The following AFF2 variants were observed in gnomAD, a reference collection of about 807,000 sequenced individuals.
AFF2 encodes the protein ALF transcription elongation factor 2.
AFF2 carries 14 observed loss-of-function variants against 76.9 expected under a neutral mutation model. That is an observed-to-expected ratio of 0.18 (90% CI 0.12 to 0.28). The LOEUF (loss-of-function observed/expected upper bound fraction) is 0.28, where lower values mean the gene tolerates loss of function less well. AFF2 is among the 10% of genes least tolerant of loss of function. AFF2 has a pLI of 1.00. For missense variants in AFF2, 868 were observed against 1,001.1 expected, an observed-to-expected ratio of 0.87 and a Z score of 1.79; for synonymous variants, 398 against 366.7, an observed-to-expected ratio of 1.09 and a Z score of -0.98.
At chrX:148,778,649 A>G (rs1162813380) in intron 3 of AFF2, among the ~76,000 whole-genome samples, 1 of 111,408 alleles carries the variant, frequency 9.0e-6, no homozygotes, top group Non-Finnish European at 1.9e-5. Context: ...AGGGTTTTAT[A>G]GTATTCTCTG....
chrX:148,825,029 AGAGT>A (rs1310268649), intron 4 of AFF2, among the ~76,000 whole-genome samples: 3 of 111,359 alleles, frequency 2.7e-5, no homozygotes, highest in African/African-American at 6.5e-5. Context: ...GGTGACAGAC[AGAGT>A]GAGACCTCAT....
In AFF2 at chrX:148,512,760, T is replaced by C. The variant is rs1291977858; in HGVS notation, c.47+11616T>C. On this transcript the variant is annotated intron_variant, in intron 1 of 20. Transcript: ENST00000370460. The stretch of plus-strand genomic sequence containing the variant: ...CAAATAATGCATTAGTCACCCAGGA[T>C]AAATGACATGCTGAATACAGTTGTG... Among the ~76,000 whole-genome samples, 11 of 112,691 alleles carry C rather than the reference T, an allele frequency of 9.8e-5. No individual in the cohort carries two copies. The East Asian group carries it at 2.8e-3, about 29-fold the overall frequency.
chrX:148,816,499 G>C (rs1028576258), intron 4 of AFF2, among the ~76,000 whole-genome samples: 10 of 111,147 alleles, frequency 9.0e-5, no homozygotes, highest in Non-Finnish European at 1.5e-4. Flanking sequence ...TTGGATTTGT[G>C]GCATAGTAGA....
At chrX:148,959,209 G>A (rs1465505441) in intron 12 of AFF2, among the ~76,000 whole-genome samples, 1 of 111,647 alleles carries the variant, frequency 9.0e-6, no homozygotes, top group Non-Finnish European at 1.9e-5. Context: ...CTTCTTCAGA[G>A]AAGTCCTGCC....
In AFF2 at chrX:148,992,949, T is replaced by C. The variant is rs193174908; in HGVS notation, c.*1617T>C. The C allele has an allele frequency of 8.9e-6, 1 of 112,796 alleles. No individual in the cohort carries two copies. The highest frequency in any genetic ancestry group is 1.9e-5 in the Non-Finnish European group (1 of 53,339). 9.3% of individuals were successfully genotyped at this position (112,796 alleles called of 1,213,427 possible). A position where few individuals can be genotyped will look rare whatever the true frequency, so the allele number is the denominator to read the frequency against. On this transcript the variant is annotated 3_prime_UTR_variant, in exon 21 of 21. Coordinates refer to ENST00000370460, the MANE Select transcript of AFF2 (RefSeq NM_002025.4). ...GTTATGACCAGATAAATAATAGATA[T>C]GCACATGAAAGATGCAAACTTGTGT...
At chrX:148,545,827 C>A (rs145886642) in intron 1 of AFF2, among the ~76,000 whole-genome samples, 1 of 111,015 alleles carries the variant, frequency 9.0e-6, no homozygotes, top group East Asian at 2.8e-4. Flanking sequence ...TTCACTGGGT[C>A]TGGGGTGGGG....
At chrX:148,985,916 C>T (rs576037500) in intron 19 of AFF2, among the ~76,000 whole-genome samples, 4 of 111,041 alleles carry the variant, frequency 3.6e-5, no homozygotes, top group Middle Eastern at 9.4e-3. Flanking sequence ...GCTGTAGGCA[C>T]AGCCTGTGTG....
intron 3 of AFF2, among the ~76,000 whole-genome samples, chrX:148,666,405 T>A (rs1359829895): frequency 2.7e-5 from 3 of 110,054 alleles, no homozygotes; most frequent in Non-Finnish European, 5.7e-5. Flanking sequence ...GCCAACATGG[T>A]GAAACCCCAT....
chrX:148,839,284 G>A (rs190813317), intron 5 of AFF2, among the ~76,000 whole-genome samples: 1 of 111,943 alleles, frequency 8.9e-6, no homozygotes, highest in Non-Finnish European at 1.9e-5. Flanking sequence ...AAAGCAAGAA[G>A]TCTACACACC....
intron 15 of AFF2, among the ~76,000 whole-genome samples, chrX:148,968,596 G>A (rs1254145348): frequency 1.8e-5 from 2 of 112,194 alleles, no homozygotes; most frequent in African/African-American, 6.5e-5. Flanking sequence ...TGTCCCAGTG[G>A]TGTTTGATAC....
At chrX:148,747,685 G>A (rs1264767271) in intron 3 of AFF2, among the ~76,000 whole-genome samples, 1 of 111,051 alleles carries the variant, frequency 9.0e-6, no homozygotes, top group Non-Finnish European at 1.9e-5. Context: ...AGATCAACTC[G>A]AAATCTTTTA....
intron 1 of AFF2, among the ~76,000 whole-genome samples, chrX:148,599,840 G>A (rs1557247813): frequency 1.8e-5 from 2 of 111,505 alleles, no homozygotes; most frequent in Admixed American, 9.5e-5. Flanking sequence ...TTCAGTCCTC[G>A]AACTTGAACA....
chrX:148,664,804 G>A (rs782309476), intron 3 of AFF2, among the ~76,000 whole-genome samples: 4 of 112,386 alleles, frequency 3.6e-5, no homozygotes, highest in Non-Finnish European at 7.5e-5. Context: ...ATGCACAAAT[G>A]TGAACAATTG....
At chrX:148,653,873 A>G (rs782214120) in intron 2 of AFF2, among the ~76,000 whole-genome samples, 2 of 111,616 alleles carry the variant, frequency 1.8e-5, no homozygotes, top group African/African-American at 6.5e-5. Flanking sequence ...AGAAAAAACA[A>G]TTAATTTAGT....
intron 3 of AFF2, among the ~76,000 whole-genome samples, chrX:148,681,640 G>A (rs1395433104): frequency 5.8e-5 from 5 of 86,040 alleles, no homozygotes; most frequent in African/African-American, 2.2e-4. Flanking sequence ...AAAGAGAAGA[G>A]AAAAAGAAAG....
At position 148,525,215 on chromosome X, in the gene AFF2, A is replaced by G. The variant is rs782161678; in HGVS notation, c.47+24071A>G. Among the ~76,000 whole-genome samples the G allele has an allele frequency of 2.7e-5, 3 of 111,743 alleles. No homozygotes were observed. In the South Asian group the frequency reaches 1.1e-3, roughly 41 times the overall value. ...AGGTGTTAGAGCCACCAGTTTGCTG[A>G]AGTAATAACTTTCCTTTTCTTCTTT... On this transcript the variant is annotated intron_variant, in intron 1 of 20. Coordinates refer to ENST00000370460, the MANE Select transcript of AFF2 (RefSeq NM_002025.4).
intron 19 of AFF2, among the ~76,000 whole-genome samples, chrX:148,984,798 G>A (rs2072443254): frequency 9.0e-6 from 1 of 111,212 alleles, no homozygotes; most frequent in South Asian, 3.8e-4. Flanking sequence ...TGTGACTCCT[G>A]GACATGATTG....
chrX:148,823,918 AGT>A (rs1339987255), intron 4 of AFF2, among the ~76,000 whole-genome samples: 1 of 112,089 alleles, frequency 8.9e-6, no homozygotes, highest in Non-Finnish European at 1.9e-5. Flanking sequence ...CCTCAGACAA[AGT>A]GTCTTTCCCT....
At chrX:148,614,721 C>CTTTCTTTCTTTCTTTCT (rs2053771379) in intron 1 of AFF2, among the ~76,000 whole-genome samples, 1 of 65,599 alleles carries the variant, frequency 1.5e-5, no homozygotes, top group African/African-American at 6.7e-5. Flanking sequence ...TTCTTTCTTT[C>CTTTCTTTCTTTCTTTCT]TTTCTTTCTT....
Sources: gnomAD v4.1 joint callset for allele counts (sites outside exome capture counted in the v4.1 genomes callset) on GRCh38, gnomAD v4.1.1 for gene constraint, MANE v1.5 for transcripts, NCBI Gene and HGNC (gene_info 2026-07-23, HGNC 2026-07-21) for gene names.